Variants in SLC6A12 observed in about 807,000 individuals in gnomAD.
SLC6A12 encodes solute carrier family 6 member 12.
SLC6A12 carries 50 observed loss-of-function variants against 73.3 expected under a neutral mutation model. That is an observed-to-expected ratio of 0.68 (90% CI 0.54 to 0.86). SLC6A12 has a LOEUF of 0.86. Among genes scored for constraint, SLC6A12 ranks in the 40% least tolerant of loss-of-function variants. The pLI, the probability that SLC6A12 is intolerant of heterozygous loss-of-function variation, is 0.00. For missense variants in SLC6A12, 648 were observed against 772.8 expected (o/e 0.84, Z 1.92); for synonymous variants, 304 against 309.2 (o/e 0.98, Z 0.18).
chr12:193,499 G>A (rs1939713325), intron 13 of SLC6A12, 122 bp from the exon 14 acceptor site: 1 of 674,804 alleles, frequency 1.5e-6, no homozygotes, highest in South Asian at 1.8e-5. Context: ...AGGGAAACTG[G>A]AACAGGGCAC....
At chr12:200,343 C>T (rs216238) in intron 7 of SLC6A12, among the ~76,000 whole-genome samples, 16,667 of 151,674 alleles carry the variant, frequency 0.11, 1,772 homozygotes, top group African/African-American at 0.28. Context: ...CTCCTGACCT[C>T]GTGATCCGCC....
chr12:198,952 C>T lies in SLC6A12; in HGVS notation c.712-21G>A. ...ACCACCTGGAGGTGGGGGGACAGGC[C>T]AAGGTCACTCCTGGTGGGGACGCAG... On this transcript the variant is annotated intron_variant, in intron 7 of 15. Coordinates refer to ENST00000684302, the MANE Select transcript of SLC6A12 (RefSeq NM_001122848.3). This position sits in a 1 kb window ranked among gnomAD's most constrained non-coding sequence, Gnocchi z 4.0. 1 of 1,613,488 alleles carries T rather than the reference C, an allele frequency of 6.2e-7. No homozygotes were observed. Among genetic ancestry groups the T allele is most frequent in the Non-Finnish European group, 8.5e-7 (1 of 1,179,618 alleles).
At position 197,977 on chromosome 12, in the gene SLC6A12, G is replaced by T. The variant is rs745844793; in HGVS notation, c.873C>A (p.Ile291=). The T allele has an allele frequency of 6.2e-7, 1 of 1,612,644 alleles. No homozygotes were observed. The highest frequency in any genetic ancestry group is 1.7e-5 in the Admixed American group (1 of 59,922). ...CCTGGCAGATGGCAAAGGAGAAGAA[G>T]ATCTGGGTGCCCGCATCCATCCACA... ...PQVWMDAGTQ[I]FFSFAICQGC... is the part of the protein sequence containing the mutation. The change falls in exon 9 of 16, where the codon ATC becomes ATA. Residue 291 remains isoleucine, a synonymous_variant. Coordinates refer to ENST00000684302, the MANE Select transcript of SLC6A12 (RefSeq NM_001122848.3).
downstream of SLC6A12, among the ~76,000 whole-genome samples, chr12:186,658 C>T (rs568971822): frequency 6.6e-6 from 1 of 152,302 alleles, no homozygotes; most frequent in South Asian, 2.1e-4. Context: ...CCACGTGGGC[C>T]TCTCTATTGG....
intron 9 of SLC6A12, 23 bp downstream of exon 9, chr12:197,877 A>G: frequency 2.2e-6 from 2 of 909,108 alleles, no homozygotes; most frequent in Non-Finnish European, 3.2e-6. Flanking sequence ...CCTTCACCCC[A>G]CCCCGGCCCA....
At chr12:196,518 G>A (rs1041193918) in intron 11 of SLC6A12, among the ~76,000 whole-genome samples, 3 of 152,186 alleles carry the variant, frequency 2.0e-5, no homozygotes, top group African/African-American at 7.2e-5. Context: ...TGGGCAGCTC[G>A]AGCTGAAGGA....
At chr12:191,879 T>C (rs1939616449) in intron 15 of SLC6A12, among the ~76,000 whole-genome samples, 1 of 152,258 alleles carries the variant, frequency 6.6e-6, no homozygotes, top group Admixed American at 6.5e-5. Context: ...CCCTAATCTC[T>C]GACCTTCTTG....
In SLC6A12 at chr12:192,950, CAG is replaced by C. The variant is rs577552274; in HGVS notation, c.1531-304_1531-303del. 274 of 478,788 alleles carry C rather than the reference CAG, an allele frequency of 5.7e-4. 2 individuals are homozygous for C. The highest frequency in any genetic ancestry group is 4.7e-3 in the African/African-American group (232 of 49,736). 29.7% of individuals were successfully genotyped at this position (478,788 alleles called of 1,614,324 possible). On this transcript the variant is annotated intron_variant, in intron 14 of 15. Coordinates refer to ENST00000684302, the MANE Select transcript of SLC6A12 (RefSeq NM_001122848.3). ...GCATCATTCACATCACAGACGGAGACAGGGGGTGATACAAAGGAAGGGAAGGG... is the reference window on the plus strand; with the variant it reads ...GCATCATTCACATCACAGACGGAGACGGGGTGATACAAAGGAAGGGAAGGG...
chr12:200,160 G>A lies in SLC6A12; in HGVS notation c.711+491C>T, dbSNP rs533662516. ...GAGTCTGGCTGTCGCCCAGGCTGGA[G>A]TGCAGTGGCGCTATCTCGGCTCACT... On this transcript the variant is annotated intron_variant, in intron 7 of 15. Transcript: ENST00000684302. Among the ~76,000 whole-genome samples the A allele has an allele frequency of 2.1e-5, 3 of 145,646 alleles. No homozygotes were observed. The East Asian group carries it at 6.0e-4, about 29-fold the overall frequency.
chr12:200,797 A>T lies in SLC6A12; in HGVS notation c.579-14T>A. On this transcript the variant is annotated splice_polypyrimidine_tract_variant and intron_variant, in intron 6 of 15. Coordinates refer to ENST00000684302, the MANE Select transcript of SLC6A12 (RefSeq NM_001122848.3). Reference sequence around the variant, plus strand: ...AGAACTCGTCTCCTGGAGGATTGGGAAAAATAAGTAATGAGGGGAAAGGCT... The same window carrying T: ...AGAACTCGTCTCCTGGAGGATTGGGTAAAATAAGTAATGAGGGGAAAGGCT... The T allele has an allele frequency of 6.2e-7, 1 of 1,611,388 alleles. No homozygotes were observed. The highest frequency in any genetic ancestry group is 1.1e-5 in the South Asian group (1 of 90,856).
Position 190,841 on chromosome 12 carries a change from C to T in SLC6A12, c.*227G>A, listed in dbSNP as rs370537876. On this transcript the variant is annotated 3_prime_UTR_variant, in exon 16 of 16. Coordinates refer to ENST00000684302, the MANE Select transcript of SLC6A12 (RefSeq NM_001122848.3). ...GATGGTGCCTTCCCACAGGGAGTGG[C>T]GTCCCAACATGGCACGTCCCAGTGG... is the stretch of plus-strand genomic sequence containing the variant. The T allele has an allele frequency of 1.4e-4, 52 of 369,526 alleles. No homozygotes were observed. The highest frequency in any genetic ancestry group is 6.5e-4 in the African/African-American group (31 of 47,940). 22.9% of individuals were successfully genotyped at this position (369,526 alleles called of 1,614,324 possible). A position where few individuals can be genotyped will look rare whatever the true frequency, so the allele number is the denominator to read the frequency against.
chr12:188,874 C>T (rs1332841107), downstream of SLC6A12, among the ~76,000 whole-genome samples: 4 of 152,176 alleles, frequency 2.6e-5, no homozygotes, highest in East Asian at 7.7e-4. Flanking sequence ...CCGTTCCCTC[C>T]ATCCCCACCC....
chr12:197,756 C>G (rs1461052860), intron 9 of SLC6A12, 144 bp downstream of exon 9: 14 of 669,424 alleles, frequency 2.1e-5, no homozygotes, highest in Non-Finnish European at 3.6e-5. Context: ...GACATTTAGT[C>G]TGGGAAAGGA....
In SLC6A12 at chr12:200,788, A is replaced by C; in HGVS notation, c.579-5T>G. The C allele has an allele frequency of 6.2e-7, 1 of 1,612,762 alleles. No homozygotes were observed. Among genetic ancestry groups the C allele is most frequent in the Non-Finnish European group, 8.5e-7 (1 of 1,179,580 alleles). Reference sequence around the variant, plus strand: ...GTGATGCCCAGAACTCGTCTCCTGGAGGATTGGGAAAAATAAGTAATGAGG... The same window carrying C: ...GTGATGCCCAGAACTCGTCTCCTGGCGGATTGGGAAAAATAAGTAATGAGG... On this transcript the variant is annotated splice_polypyrimidine_tract_variant and splice_region_variant and intron_variant, in intron 6 of 15. Coordinates refer to ENST00000684302, the MANE Select transcript of SLC6A12 (RefSeq NM_001122848.3).
downstream of SLC6A12, among the ~76,000 whole-genome samples, chr12:186,128 G>GCCTCTGC (rs1939424723): frequency 6.6e-6 from 1 of 152,144 alleles, no homozygotes; most frequent in African/African-American, 2.4e-5. Flanking sequence ...GGAGGCTCAG[G>GCCTCTGC]CAGAAGGGCA....
chr12:191,113 TG>T lies in SLC6A12; in HGVS notation c.1799del (p.Pro600GlnfsTer6). The T allele has an allele frequency of 2.2e-6, 3 of 1,356,550 alleles. No homozygotes were observed. Among genetic ancestry groups the T allele is most frequent in the Non-Finnish European group, 1.9e-6 (2 of 1,041,232 alleles). The allele number at this position is 1,356,550 out of a possible 1,614,324, so 84.0% of individuals were successfully genotyped here. A position where few individuals can be genotyped will look rare whatever the true frequency, so the allele number is the denominator to read the frequency against. ...GSAGRNFGPSPTREGLIAGEK... is the reference protein window; with the variant it reads ...GSAGRNFGPSXTREGLIAGEK... ...CCCCGGCTATCAGTCCTTCCCTTGT[TG>T]GGGAGGGCCCAAAGTTCCGGCCAGC... On this transcript the variant is annotated frameshift_variant, in exon 16 of 16. Transcript: ENST00000684302. LOFTEE classifies it high-confidence loss of function.
intron 7 of SLC6A12, among the ~76,000 whole-genome samples, chr12:200,256 C>G (rs961137628): frequency 2.0e-4 from 30 of 150,834 alleles, no homozygotes; most frequent in African/African-American, 5.6e-4. Context: ...CTACAGGTGC[C>G]CACCACCACG....
intron 4 of SLC6A12, chr12:203,609 A>T (rs1940433261): frequency 6.6e-6 from 1 of 152,066 alleles, no homozygotes; most frequent in Non-Finnish European, 1.5e-5. Flanking sequence ...CCCAAAAAAC[A>T]CACAAACAAG....
chr12:200,286 T>A (rs1242343010), intron 7 of SLC6A12, among the ~76,000 whole-genome samples: 2 of 151,024 alleles, frequency 1.3e-5, no homozygotes, highest in South Asian at 2.1e-4. Context: ...TTTTTTGTAT[T>A]TTTAGTAGAG....
Sources: allele counts gnomAD v4.1 joint callset (sites outside exome capture counted in the v4.1 genomes callset), GRCh38; gene constraint gnomAD v4.1.1; non-coding constraint Gnocchi (gnomAD v3.1); transcripts MANE v1.5; gene names NCBI Gene and HGNC (gene_info 2026-07-23, HGNC 2026-07-21).